The following DHX33 variants were observed in gnomAD, a reference collection of about 807,000 sequenced individuals.
DHX33 encodes the protein DEAH-box helicase 33, also known as ATP-dependent RNA helicase DHX33.
Under a neutral mutation model 72.5 loss-of-function variants are expected in DHX33, and 42 were observed. The ratio of observed to expected loss-of-function variants is 0.58; its 90% CI spans 0.45 to 0.75. The LOEUF (loss-of-function observed/expected upper bound fraction) is 0.75. DHX33 is among the 30% of genes least tolerant of loss of function. DHX33 has a pLI of 0.00. For synonymous variants in DHX33, 358 were observed against 366.1 expected (o/e 0.98, Z 0.25); for missense variants, 842 against 917.5 (o/e 0.92, Z 1.06).
At chr17:5,445,069 CTTTT>C (rs1290849011) in intron 11 of DHX33, among the ~76,000 whole-genome samples, 1 of 151,748 alleles carries the variant, frequency 6.6e-6, no homozygotes, top group Non-Finnish European at 1.5e-5. Context: ...TCTCACCGCT[CTTTT>C]TCTTTCTTTC....
Position 5,462,478 on chromosome 17 carries a change from G to C in DHX33, c.519C>G (p.Gly173=), listed in dbSNP as rs747504945. 1 of 1,614,144 alleles carries C rather than the reference G, an allele frequency of 6.2e-7. No homozygotes were observed. The highest frequency in any genetic ancestry group is 1.1e-5 in the South Asian group (1 of 91,090). Residue 173 remains glycine, a synonymous_variant, in exon 3 of 12, where the codon GGC becomes GGG. Coordinates refer to ENST00000225296, the MANE Select transcript of DHX33 (RefSeq NM_020162.4). The part of the protein sequence containing the change: ...EDTRIKFLTD[G]MLLREAISDS... The stretch of plus-strand genomic sequence containing the variant: ...CTGAAATTGCTTCACGCAGAAGCAT[G>C]CCATCTGTCAGAAACTTGATCCTGG...
At chr17:5,465,047 G>C (rs192915657) in intron 1 of DHX33, among the ~76,000 whole-genome samples, 106 of 152,352 alleles carry the variant, frequency 7.0e-4, no homozygotes, top group African/African-American at 2.5e-3. Flanking sequence ...GAAGCTCCCA[G>C]AGGGCAGTGC....
At position 5,448,902 on chromosome 17, in the gene DHX33, A is replaced by G. The variant is rs999360723; in HGVS notation, c.1729-7T>C. On this transcript the variant is annotated splice_region_variant and splice_polypyrimidine_tract_variant and intron_variant, in intron 10 of 11. Transcript: ENST00000225296. ...AATTCTCTTTGCACCAATCCTGAAT[A>G]GGAGAAAGAGTGATATCACAATCCA... is the stretch of plus-strand genomic sequence containing the variant. 3 of 1,607,006 alleles carry G rather than the reference A, an allele frequency of 1.9e-6. No homozygotes were observed. Among genetic ancestry groups the G allele is most frequent in the Admixed American group, 3.3e-5 (2 of 59,734 alleles).
At chr17:5,459,499 A>T (rs1310601922) in intron 4 of DHX33, among the ~76,000 whole-genome samples, 1 of 152,026 alleles carries the variant, frequency 6.6e-6, no homozygotes, top group Non-Finnish European at 1.5e-5. Flanking sequence ...CGGTGATCAT[A>T]GTTCACTGCA....
chr17:5,454,100 G>T, intron 6 of DHX33, 120 bp from the exon 7 acceptor site: 1 of 1,214,668 alleles, frequency 8.2e-7, no homozygotes, highest in Non-Finnish European at 1.1e-6. Flanking sequence ...AAAGCCTCAA[G>T]GCTAGCACAA....
In DHX33 at chr17:5,444,464, C is replaced by T. The variant is rs760536529; in HGVS notation, c.1865G>A (p.Arg622His). 1.2e-5 allele frequency: 20 copies of T among 1,614,032 alleles called. No individual in the cohort carries two copies. Among genetic ancestry groups the T allele is most frequent in the South Asian group, 5.5e-5 (5 of 91,088 alleles). ...CATGAAGAGGCTGTGAGCCAGGCAG[C>T]GGCGGACACTCTCCACGTCTCCTCG... ...SSRGDVESVR[R>H]CLAHSLFMST... is the part of the protein sequence containing the mutation. The change falls in exon 12 of 12, where the codon CGC (arginine) becomes CAC (histidine). Residue 622 changes from arginine to histidine, a missense_variant. By Grantham distance (29) the Arg-to-His change is conservative. Coordinates refer to ENST00000225296, the MANE Select transcript of DHX33 (RefSeq NM_020162.4). The surrounding 1 kb of genome is among the most constrained non-coding windows in gnomAD (Gnocchi z 4.9).
At chr17:5,459,992 C>T (rs540381151) in intron 4 of DHX33, among the ~76,000 whole-genome samples, 76 of 143,730 alleles carry the variant, frequency 5.3e-4, no homozygotes, top group African/African-American at 1.9e-3. Flanking sequence ...GTATAGCGTA[C>T]GGGGTTGCAA....
intron 1 of DHX33, among the ~76,000 whole-genome samples, chr17:5,464,884 C>CT (rs1405226704): frequency 2.0e-5 from 3 of 152,170 alleles, no homozygotes; most frequent in African/African-American, 7.2e-5. Flanking sequence ...CTCGCAAACT[C>CT]TAAGATGAGT....
intron 10 of DHX33, among the ~76,000 whole-genome samples, chr17:5,449,945 C>A (rs1312211248): frequency 6.6e-6 from 1 of 152,190 alleles, no homozygotes; most frequent in African/African-American, 2.4e-5. Context: ...ATTACTTAAT[C>A]AAGTTCCAAT....
At chr17:5,464,276 G>C (rs1213117453) in intron 1 of DHX33, among the ~76,000 whole-genome samples, 2 of 152,188 alleles carry the variant, frequency 1.3e-5, no homozygotes, top group Admixed American at 6.5e-5. Context: ...GCTGCAGTGA[G>C]CCATGATCAC....
chr17:5,450,001 C>A (rs55892443), intron 10 of DHX33, among the ~76,000 whole-genome samples: 381 of 152,280 alleles, frequency 2.5e-3, no homozygotes, highest in Non-Finnish European at 4.2e-3. Flanking sequence ...TTGACTTAAA[C>A]ACATTCGGAA....
At position 5,453,948 on chromosome 17, in the gene DHX33, C is replaced by A; in HGVS notation, c.1180G>T (p.Val394Leu). Residue 394 changes from valine (V) to leucine (L), a missense_variant, in exon 7 of 12, where the codon GTA becomes TTA. Val to Leu is a conservative substitution (Grantham distance 32). Coordinates refer to ENST00000225296, the MANE Select transcript of DHX33 (RefSeq NM_020162.4). ...SGLEVLAVQR[V>L]SKTQAWQRTG... is the part of the protein sequence containing the mutation. The stretch of plus-strand genomic sequence containing the variant: ...CGCTGCCAAGCCTGCGTCTTCGATA[C>A]CCGCTGCACTGCTAACACCTCAAGA... 1.9e-6 allele frequency: 3 copies of A among 1,614,038 alleles called. No homozygotes were observed. Among genetic ancestry groups the A allele is most frequent in the Non-Finnish European group, 1.7e-6 (2 of 1,180,006 alleles).
At chr17:5,445,697 T>G (rs1441192418) in intron 11 of DHX33, among the ~76,000 whole-genome samples, 2 of 152,136 alleles carry the variant, frequency 1.3e-5, no homozygotes, top group African/African-American at 4.8e-5. Flanking sequence ...TCTGCTGGGC[T>G]CTTGAGTGGA....
intron 9 of DHX33, 35 bp downstream of exon 9, chr17:5,450,772 T>C: frequency 6.2e-7 from 1 of 1,613,894 alleles, no homozygotes. Flanking sequence ...AACTGTAATG[T>C]ACAGAAAGAG....
At position 5,444,886 on chromosome 17, in the gene DHX33, C is replaced by T. The variant is rs1450785554; in HGVS notation, c.1816-373G>A. On this transcript the variant is annotated intron_variant, in intron 11 of 11. Coordinates refer to ENST00000225296, the MANE Select transcript of DHX33 (RefSeq NM_020162.4). The surrounding 1 kb of genome is among the most constrained non-coding windows in gnomAD (Gnocchi z 4.9). ...CTTTGACCATCTCACCATCTCCTCACTCCGATTCACCCACCTGCTGCTGCC... is the reference window on the plus strand; with the variant it reads ...CTTTGACCATCTCACCATCTCCTCATTCCGATTCACCCACCTGCTGCTGCC... Among the ~76,000 whole-genome samples, 3 of 152,216 alleles carry T rather than the reference C, an allele frequency of 2.0e-5. No homozygotes were observed. Among genetic ancestry groups the T allele is most frequent in the African/African-American group, 4.8e-5 (2 of 41,462 alleles).
intron 1 of DHX33, among the ~76,000 whole-genome samples, chr17:5,464,767 T>C (rs1197171892): frequency 2.0e-5 from 3 of 152,230 alleles, no homozygotes; most frequent in Non-Finnish European, 4.4e-5. Context: ...CATCCATTCA[T>C]GCACTGCTGC....
At position 5,451,124 on chromosome 17, in the gene DHX33, G is replaced by A. The variant is rs573617447; in HGVS notation, c.1397-190C>T. Among the ~76,000 whole-genome samples the A allele has an allele frequency of 1.1e-4, 17 of 152,190 alleles. No homozygotes were observed. In the East Asian group the frequency reaches 3.3e-3, roughly 29 times the overall value. On this transcript the variant is annotated intron_variant, in intron 8 of 11. Coordinates refer to ENST00000225296, the MANE Select transcript of DHX33 (RefSeq NM_020162.4). ...TTAGTTCAATTCCCTTTTCTTTTTT[G>A]AGACAGAGTCTTGCTCTGTTGCCCA...
At chr17:5,457,083 G>A (rs754339805) in intron 4 of DHX33, among the ~76,000 whole-genome samples, 4 of 152,184 alleles carry the variant, frequency 2.6e-5, no homozygotes, top group Non-Finnish European at 5.9e-5. Flanking sequence ...GAGGCGGCCA[G>A]ATCACCTGAG....
rs963558047 is a variant in DHX33 at position 5,444,999 on chromosome 17, T to C, written c.1816-486A>G. Among the ~76,000 whole-genome samples the C allele has an allele frequency of 6.6e-6, 1 of 152,212 alleles. No individual in the cohort carries two copies. Among genetic ancestry groups the C allele is most frequent in the African/African-American group, 2.4e-5 (1 of 41,452 alleles). Reference sequence around the variant, plus strand: ...GTCTCTACTGCTCCTTGCAAAACAATGCAAACTTCCCGTGGTGAAGCCACG... The same window carrying C: ...GTCTCTACTGCTCCTTGCAAAACAACGCAAACTTCCCGTGGTGAAGCCACG... On this transcript the variant is annotated intron_variant, in intron 11 of 11. Coordinates refer to ENST00000225296, the MANE Select transcript of DHX33 (RefSeq NM_020162.4). This position sits in a 1 kb window ranked among gnomAD's most constrained non-coding sequence, Gnocchi z 4.9.
Sources: allele counts gnomAD v4.1 joint callset (sites outside exome capture counted in the v4.1 genomes callset), GRCh38; gene constraint gnomAD v4.1.1; non-coding constraint Gnocchi (gnomAD v3.1); transcripts MANE v1.5; gene names NCBI Gene and HGNC (gene_info 2026-07-23, HGNC 2026-07-21).